Variants in GRIN2B observed in about 807,000 individuals in gnomAD.
GRIN2B encodes the protein glutamate receptor ionotropic, NMDA 2B.
Under a neutral mutation model 114.5 loss-of-function variants are expected in GRIN2B, and 5 were observed. That is an observed-to-expected ratio of 0.04 (90% CI 0.02 to 0.09). GRIN2B has a LOEUF of 0.09. Ranked by LOEUF, GRIN2B falls within the 10% of genes least tolerant of loss-of-function variation. The probability of loss-of-function intolerance (pLI) is 1.00; values close to 1 mark genes in which losing one functional copy is unlikely to be tolerated. For synonymous variants in GRIN2B, 787 were observed against 745.1 expected (o/e 1.06, Z -0.92); for missense variants, 1,108 against 1,943.5 (o/e 0.57, Z 8.08).
chr12:13,947,007 A>G (rs1174083095), intron 2 of GRIN2B, among the ~76,000 whole-genome samples: 2 of 152,182 alleles, frequency 1.3e-5, no homozygotes, highest in African/African-American at 4.8e-5. Flanking sequence ...AGGAGAGAAA[A>G]GAGCAACCAT....
At chr12:13,918,406 A>G (rs1284107035) in intron 2 of GRIN2B, among the ~76,000 whole-genome samples, 4 of 152,212 alleles carry the variant, frequency 2.6e-5, no homozygotes, top group South Asian at 4.1e-4. Context: ...CCCTGTCTCA[A>G]AAAAAGAAAA....
chr12:13,600,485 G>A (rs1333709158), intron 10 of GRIN2B, among the ~76,000 whole-genome samples: 1 of 148,758 alleles, frequency 6.7e-6, no homozygotes, highest in Non-Finnish European at 1.5e-5. Flanking sequence ...TGGAGGGTAG[G>A]GATGTGTGTG....
At chr12:13,710,317 A>G (rs952472800) in intron 4 of GRIN2B, among the ~76,000 whole-genome samples, 6 of 152,172 alleles carry the variant, frequency 3.9e-5, no homozygotes, top group Admixed American at 3.9e-4. Flanking sequence ...GAAAACTGGT[A>G]CAAGACAGGG....
chr12:13,755,677 C>G (rs1179274860), intron 3 of GRIN2B, among the ~76,000 whole-genome samples: 3 of 152,228 alleles, frequency 2.0e-5, no homozygotes, highest in Non-Finnish European at 1.5e-5. Context: ...ACTTCTCCTA[C>G]TACATGAGTA....
intron 4 of GRIN2B, among the ~76,000 whole-genome samples, chr12:13,677,406 C>T (rs376306190): frequency 3.9e-5 from 6 of 152,282 alleles, no homozygotes; most frequent in Admixed American, 2.0e-4. Flanking sequence ...GCTTATGCAG[C>T]ATGAATCAAA....
chr12:13,885,785 T>C (rs910645732), intron 2 of GRIN2B, among the ~76,000 whole-genome samples: 11 of 152,224 alleles, frequency 7.2e-5, no homozygotes, highest in African/African-American at 2.7e-4. Context: ...AGACAAAGTA[T>C]TCATGCACAG....
rs1286059184 is a variant in GRIN2B, at chr12:13,545,746, C to T, written c.*17037G>A. 1 of 152,074 alleles carries T rather than the reference C, an allele frequency of 6.6e-6. No individual in the cohort carries two copies. Among genetic ancestry groups the T allele is most frequent in the Non-Finnish European group, 1.5e-5 (1 of 68,026 alleles). 9.4% of individuals were successfully genotyped at this position (152,074 alleles called of 1,614,324 possible). A position where few individuals can be genotyped will look rare whatever the true frequency, so the allele number is the denominator to read the frequency against. On this transcript the variant is annotated 3_prime_UTR_variant, in exon 14 of 14. Transcript: ENST00000609686. ...TCTATGGCACTTTGTCCCTCCTCTCCCCTGCGGCCTAACTCCCAAATCCCC... is the reference window on the plus strand; with the variant it reads ...TCTATGGCACTTTGTCCCTCCTCTCTCCTGCGGCCTAACTCCCAAATCCCC...
At chr12:13,670,040 G>A (rs1472877092) in intron 5 of GRIN2B, among the ~76,000 whole-genome samples, 2 of 152,028 alleles carry the variant, frequency 1.3e-5, no homozygotes, top group Admixed American at 6.5e-5. Context: ...AGCTCTTGTG[G>A]GGGTCTCCCT....
chr12:13,957,662 G>A (rs1468293051), intron 2 of GRIN2B, among the ~76,000 whole-genome samples: 1 of 152,104 alleles, frequency 6.6e-6, no homozygotes, highest in Admixed American at 6.5e-5. Flanking sequence ...ACCCACCCAG[G>A]AGCTGGCGGT....
chr12:13,885,057 T>TA (rs1164783014), intron 2 of GRIN2B, among the ~76,000 whole-genome samples: 2 of 151,854 alleles, frequency 1.3e-5, no homozygotes, highest in East Asian at 1.9e-4. Context: ...AATCAGGCCA[T>TA]AAAAAAATGC....
At chr12:13,606,740 G>A (rs1949254725) in intron 10 of GRIN2B, among the ~76,000 whole-genome samples, 1 of 152,110 alleles carries the variant, frequency 6.6e-6, no homozygotes, top group South Asian at 2.1e-4. Flanking sequence ...GGAAAAGGAG[G>A]TGTGCAACTC....
intron 3 of GRIN2B, among the ~76,000 whole-genome samples, chr12:13,807,039 C>T (rs956225749): frequency 7.9e-5 from 12 of 151,930 alleles, no homozygotes; most frequent in African/African-American, 2.9e-4. Context: ...TAAATTATAA[C>T]ACTTTATATA....
At chr12:13,873,599 T>C (rs566433315) in intron 2 of GRIN2B, among the ~76,000 whole-genome samples, 1 of 152,330 alleles carries the variant, frequency 6.6e-6, no homozygotes, top group South Asian at 2.1e-4. Flanking sequence ...TTTTCAAGCT[T>C]TTGAGCTCCC....
rs1227849864 is a variant in GRIN2B at position 13,882,516 on chromosome 12, C to A, written c.-18-16290G>T. 2.0e-5 allele frequency among the ~76,000 whole-genome samples: 3 copies of A among 152,016 alleles called. No homozygotes were observed. In the East Asian group the frequency reaches 5.8e-4, roughly 29 times the overall value. ...GATTCGAGAAAGATTTACTATGTGA[C>A]CTTAAGCACATCATTTAGCCTCTCT... On this transcript the variant is annotated intron_variant, in intron 2 of 13. Transcript: ENST00000609686.
chr12:13,629,700 CTT>C (rs1416559419), intron 5 of GRIN2B, among the ~76,000 whole-genome samples: 1 of 151,962 alleles, frequency 6.6e-6, no homozygotes, highest in Non-Finnish European at 1.5e-5. Flanking sequence ...CTCTCTCTCT[CTT>C]GCCTCCCTGC....
chr12:13,837,409 G>A (rs958122589), intron 3 of GRIN2B, among the ~76,000 whole-genome samples: 2 of 152,166 alleles, frequency 1.3e-5, no homozygotes, highest in African/African-American at 2.4e-5. Flanking sequence ...ATTGTTGGGA[G>A]GCATGCATAA....
At chr12:13,748,547 T>G (rs755883711) in intron 4 of GRIN2B, among the ~76,000 whole-genome samples, 2 of 152,222 alleles carry the variant, frequency 1.3e-5, no homozygotes, top group Non-Finnish European at 2.9e-5. Context: ...TCTAAACATT[T>G]TCAGATCATC....
intron 10 of GRIN2B, among the ~76,000 whole-genome samples, chr12:13,600,901 C>G (rs1431282899): frequency 3.3e-5 from 5 of 152,092 alleles, no homozygotes; most frequent in African/African-American, 1.2e-4. Flanking sequence ...TGTATTGTCT[C>G]CCTAAAATTA....
At chr12:13,761,334 T>C (rs1863676559) in intron 3 of GRIN2B, among the ~76,000 whole-genome samples, 1 of 152,198 alleles carries the variant, frequency 6.6e-6, no homozygotes, top group Non-Finnish European at 1.5e-5. Flanking sequence ...ATCGCCAAAT[T>C]TAAACCACAG....
Sources: gnomAD v4.1 joint callset for allele counts (sites outside exome capture counted in the v4.1 genomes callset) on GRCh38, gnomAD v4.1.1 for gene constraint, MANE v1.5 for transcripts, NCBI Gene and HGNC (gene_info 2026-07-23, HGNC 2026-07-21) for gene names.